SYT16: variants seen among roughly 807,000 people sequenced by gnomAD.
SYT16 encodes synaptotagmin-16.
A neutral mutation model predicts 61.4 loss-of-function variants in SYT16; 42 were observed. The ratio of observed to expected loss-of-function variants is 0.68; its 90% CI spans 0.53 to 0.89. The LOEUF is 0.89. Ranked by LOEUF, SYT16 falls within the 40% of genes least tolerant of loss-of-function variation. The pLI is 0.00. For missense variants in SYT16, 804 were observed against 807.3 expected (o/e 1.00, Z 0.05); for synonymous variants, 314 against 302.3 (o/e 1.04, Z -0.40).
At chr14:61,819,295 C>T (rs1290557881) in intron 1 of SYT16, among the ~76,000 whole-genome samples, 2 of 152,096 alleles carry the variant, frequency 1.3e-5, no homozygotes, top group Non-Finnish European at 1.5e-5. Flanking sequence ...GCTATTATGC[C>T]ATTTAACAAT....
intron 3 of SYT16, among the ~76,000 whole-genome samples, chr14:62,033,747 A>G (rs912248414): frequency 6.6e-6 from 1 of 152,188 alleles, no homozygotes; most frequent in Non-Finnish European, 1.5e-5. Flanking sequence ...TTAAAACAAT[A>G]AAACTTTTAG....
chr14:62,051,440 C>T (rs1018909776), intron 3 of SYT16, among the ~76,000 whole-genome samples: 20 of 152,226 alleles, frequency 1.3e-4, no homozygotes, highest in Non-Finnish European at 2.5e-4. Context: ...ATGCCTCACC[C>T]TGCTTTGGCT....
chr14:61,838,256 C>T (rs879541857), intron 1 of SYT16, among the ~76,000 whole-genome samples: 7 of 152,170 alleles, frequency 4.6e-5, no homozygotes, highest in African/African-American at 7.2e-5. Context: ...GATACCCTTT[C>T]CCACTCCATA....
intron 1 of SYT16, among the ~76,000 whole-genome samples, chr14:61,817,028 CAA>C (rs1370646900): frequency 0.013 from 916 of 71,612 alleles, 10 homozygotes; most frequent in African/African-American, 0.022. Context: ...CACACACACA[CAA>C]AAAAAGCATT....
At chr14:62,061,029 A>T (rs553972014) in intron 3 of SYT16, among the ~76,000 whole-genome samples, 10 of 152,230 alleles carry the variant, frequency 6.6e-5, no homozygotes, top group African/African-American at 2.2e-4. Context: ...TGTGGGGTTG[A>T]TAAACTGTGA....
chr14:61,952,464 A>T (rs908764024), intron 1 of SYT16, among the ~76,000 whole-genome samples: 1 of 152,168 alleles, frequency 6.6e-6, no homozygotes, highest in African/African-American at 2.4e-5. Flanking sequence ...CCTACATCTG[A>T]GTATTAAAGG....
chr14:62,003,862 G>C (rs2053119321), intron 3 of SYT16, among the ~76,000 whole-genome samples: 1 of 152,162 alleles, frequency 6.6e-6, no homozygotes, highest in East Asian at 1.9e-4. Context: ...GATTTTGCCA[G>C]AGGTGATCAG....
At chr14:62,086,580 G>C (rs2056894641) in intron 7 of SYT16, among the ~76,000 whole-genome samples, 1 of 152,176 alleles carries the variant, frequency 6.6e-6, no homozygotes, top group Admixed American at 6.5e-5. Flanking sequence ...AGTCAGTATA[G>C]TGTATACTTT....
intron 1 of SYT16, among the ~76,000 whole-genome samples, chr14:61,909,951 C>A (rs1225149172): frequency 6.6e-6 from 1 of 152,160 alleles, no homozygotes; most frequent in Non-Finnish European, 1.5e-5. Context: ...CCAAACCATG[C>A]ATCACACTGG....
chr14:62,020,594 T>C (rs1012324664), intron 3 of SYT16, among the ~76,000 whole-genome samples: 1 of 152,204 alleles, frequency 6.6e-6, no homozygotes, highest in Non-Finnish European at 1.5e-5. Flanking sequence ...TAAAAAGTTG[T>C]CCATGTTTTC....
chr14:61,976,657 C>G (rs769720989), intron 2 of SYT16, among the ~76,000 whole-genome samples: 7 of 152,106 alleles, frequency 4.6e-5, no homozygotes, highest in Non-Finnish European at 8.8e-5. Context: ...TGCAGAGCAC[C>G]AACTCCCGAG....
Position 62,069,783 on chromosome 14 carries a change from G to T in SYT16, c.704G>T (p.Gly235Val). Residue 235 changes from glycine to valine, a missense_variant, in exon 4 of 8, where the codon GGA becomes GTA. Transcript: ENST00000683842. ...PKFSRSLLTH[G>V]EDGTEVSACE... is the part of the protein sequence containing the mutation. ...TTCAGCCGTTCGTTGTTGACACACG[G>T]AGAAGATGGCACAGAAGTATCTGCC... 6.8e-6 allele frequency: 11 copies of T among 1,613,982 alleles called. No individual in the cohort carries two copies. The highest frequency in any genetic ancestry group is 8.5e-6 in the Non-Finnish European group (10 of 1,179,894).
intron 1 of SYT16, among the ~76,000 whole-genome samples, chr14:61,907,183 C>T (rs2048756595): frequency 6.6e-6 from 1 of 152,138 alleles, no homozygotes. Flanking sequence ...AGTTCAAGTG[C>T]ATCATGAAAG....
At chr14:61,946,642 G>A (rs1427809274) in intron 1 of SYT16, among the ~76,000 whole-genome samples, 1 of 152,140 alleles carries the variant, frequency 6.6e-6, no homozygotes, top group African/African-American at 2.4e-5. Context: ...GATGGAAATG[G>A]CAATTTTGCA....
chr14:61,878,039 G>A (rs1227681294), intron 1 of SYT16, among the ~76,000 whole-genome samples: 2 of 152,216 alleles, frequency 1.3e-5, no homozygotes, highest in East Asian at 3.9e-4. Context: ...GCCTTGGGGT[G>A]TATGAACACT....
At chr14:61,933,894 A>C (rs1401922924) in intron 1 of SYT16, among the ~76,000 whole-genome samples, 3 of 152,234 alleles carry the variant, frequency 2.0e-5, no homozygotes, top group Non-Finnish European at 4.4e-5. Flanking sequence ...CCAAATTAGC[A>C]TTTTAATACA....
chr14:62,076,783 C>G (rs538230829), intron 5 of SYT16, among the ~76,000 whole-genome samples: 144 of 152,330 alleles, frequency 9.5e-4, no homozygotes, highest in Non-Finnish European at 1.8e-3. Flanking sequence ...ACAAAACAGA[C>G]CAAATGATTT....
intron 1 of SYT16, among the ~76,000 whole-genome samples, chr14:61,888,273 A>G (rs1344083523): frequency 2.0e-5 from 3 of 152,010 alleles, no homozygotes; most frequent in Non-Finnish European, 4.4e-5. Context: ...GCACGCCACC[A>G]TGCCTGGCTA....
chr14:61,865,774 G>A (rs970891392), intron 1 of SYT16, among the ~76,000 whole-genome samples: 2 of 151,874 alleles, frequency 1.3e-5, no homozygotes, highest in Non-Finnish European at 2.9e-5. Flanking sequence ...GCACATGGAG[G>A]GTGTCTTGAA....
Sources: allele counts gnomAD v4.1 joint callset (sites outside exome capture counted in the v4.1 genomes callset), GRCh38; gene constraint gnomAD v4.1.1; transcripts MANE v1.5; gene names NCBI Gene and HGNC (gene_info 2026-07-23, HGNC 2026-07-21).